The following OR7C1 variants were observed in gnomAD, a reference collection of about 807,000 sequenced individuals.
The protein encoded by OR7C1 is olfactory receptor family 7 subfamily C member 1.
For missense variants in OR7C1, 324 were observed against 383.3 expected (o/e 0.85, Z 1.29); for synonymous variants, 152 against 160.7 (o/e 0.95, Z 0.41).
At chr19:14,802,468 C>T (rs113966364) in intron 2 of OR7C1, among the ~76,000 whole-genome samples, 45 of 152,248 alleles carry the variant, frequency 3.0e-4, no homozygotes, top group Admixed American at 4.6e-4. Context: ...TGCAGTGAGC[C>T]GAGATTGTAC....
At position 14,799,361 on chromosome 19, in the gene OR7C1, T is replaced by G. The variant is rs151122314; in HGVS notation, c.776A>C (p.Tyr259Ser). ...AGATGGTGTGGCTGCAGAACTGAGATAGACCCCAAAGCCCGTGCCATAGAA... is the reference window on the plus strand; with the variant it reads ...AGATGGTGTGGCTGCAGAACTGAGAGAGACCCCAAAGCCCGTGCCATAGAA... The change falls in exon 5 of 5, where the codon TAT (tyrosine) becomes TCT (serine). Residue 259 changes from tyrosine to serine, a missense_variant. Transcript: ENST00000641666. 3.1e-6 allele frequency: 5 copies of G among 1,614,064 alleles called. No homozygotes were observed. In the South Asian group the frequency reaches 3.3e-5, roughly 11 times the overall value.
At chr19:14,814,810 G>A (rs944047781) in intron 1 of OR7C1, among the ~76,000 whole-genome samples, 5 of 152,110 alleles carry the variant, frequency 3.3e-5, no homozygotes, top group African/African-American at 1.2e-4. Context: ...CAGCCATGAC[G>A]GGACGAGAGG....
chr19:14,833,845 C>G (rs969609589), intron 1 of OR7C1, among the ~76,000 whole-genome samples: 2 of 152,182 alleles, frequency 1.3e-5, no homozygotes, highest in African/African-American at 2.4e-5. Flanking sequence ...GGAACTTTCT[C>G]AGCTGTCATA....
At chr19:14,821,848 C>T (rs990651983) in intron 1 of OR7C1, among the ~76,000 whole-genome samples, 5 of 152,244 alleles carry the variant, frequency 3.3e-5, no homozygotes, top group Admixed American at 1.3e-4. Context: ...ATTTCCTCAT[C>T]AGCAATTGCT....
chr19:14,813,015 A>G (rs1389759034), intron 1 of OR7C1, among the ~76,000 whole-genome samples: 1 of 150,306 alleles, frequency 6.7e-6, no homozygotes, highest in Non-Finnish European at 1.5e-5. Context: ...CAGTGAGCCA[A>G]GGTTGCACCA....
chr19:14,828,242 T>G (rs1289399136), intron 1 of OR7C1: 1 of 1,607,206 alleles, frequency 6.2e-7, no homozygotes, highest in African/African-American at 1.3e-5. Context: ...CTGGTTCCAT[T>G]TGATTGAAGT....
At chr19:14,822,072 A>G (rs900096723) in intron 1 of OR7C1, among the ~76,000 whole-genome samples, 1 of 152,198 alleles carries the variant, frequency 6.6e-6, no homozygotes, top group East Asian at 1.9e-4. Flanking sequence ...TCTATTGTGG[A>G]TATGCACCAC....
At chr19:14,834,789 C>T (rs2044868930) in intron 1 of OR7C1, among the ~76,000 whole-genome samples, 1 of 152,170 alleles carries the variant, frequency 6.6e-6, no homozygotes, top group African/African-American at 2.4e-5. Context: ...TGTACTTTTA[C>T]AAAAATCATT....
At chr19:14,800,918 C>T (rs979228012) in intron 2 of OR7C1, among the ~76,000 whole-genome samples, 154 bp from the exon 3 acceptor site, 13 of 152,224 alleles carry the variant, frequency 8.5e-5, no homozygotes, top group African/African-American at 3.1e-4. Context: ...GCGCATTCAC[C>T]ACCAGCCTGT....
intron 1 of OR7C1, among the ~76,000 whole-genome samples, chr19:14,833,410 C>T (rs117945812): frequency 2.1e-4 from 32 of 152,250 alleles, no homozygotes; most frequent in East Asian, 3.9e-4. Flanking sequence ...ATCCAGGAAG[C>T]GAAGGTTGCA....
intron 1 of OR7C1, chr19:14,828,395 A>G: frequency 1.2e-6 from 1 of 821,872 alleles, no homozygotes; most frequent in Non-Finnish European, 1.9e-6. Flanking sequence ...AGGGATCTCC[A>G]TGTCATCTCT....
chr19:14,831,456 T>C (rs1009882875), intron 1 of OR7C1, among the ~76,000 whole-genome samples: 1 of 152,078 alleles, frequency 6.6e-6, no homozygotes, highest in African/African-American at 2.4e-5. Context: ...TTTATTATTA[T>C]TTTTTTGAGA....
chr19:14,810,742 G>A (rs2044687563), intron 1 of OR7C1, among the ~76,000 whole-genome samples: 1 of 151,848 alleles, frequency 6.6e-6, no homozygotes, highest in African/African-American at 2.4e-5. Flanking sequence ...ACTGGAGACA[G>A]ATTCTGGAGA....
intron 1 of OR7C1, among the ~76,000 whole-genome samples, chr19:14,829,249 G>A (rs1332695914): frequency 6.6e-6 from 1 of 152,222 alleles, no homozygotes; most frequent in Non-Finnish European, 1.5e-5. Flanking sequence ...CTGTTGCCGG[G>A]CTGGAGCGCA....
chr19:14,800,266 C>T (rs1197850285), exon 4 of OR7C1: 7 of 1,029,190 alleles, frequency 6.8e-6, no homozygotes, highest in Non-Finnish European at 7.0e-6. Context: ...CTTTTTCTTG[C>T]TGTCTTTTTC....
exon 5 of OR7C1, chr19:14,799,110 C>G: frequency 6.6e-7 from 1 of 1,518,498 alleles, no homozygotes; most frequent in Non-Finnish European, 8.8e-7. Flanking sequence ...AAAGAGAATA[C>G]ATTGATGTTT....
intron 1 of OR7C1, chr19:14,827,121 GCTTAATAAA>G: frequency 6.3e-6 from 4 of 630,066 alleles, no homozygotes; most frequent in Non-Finnish European, 9.6e-6. Context: ...AGAGCAGAAA[GCTTAATAAA>G]AGGAGTTGCT....
intron 2 of OR7C1, among the ~76,000 whole-genome samples, chr19:14,805,907 C>T: frequency 6.6e-6 from 1 of 151,856 alleles, no homozygotes; most frequent in East Asian, 1.9e-4. Flanking sequence ...TACAACAGTT[C>T]TGGGACATAT....
rs770812578 is a variant in OR7C1, at chr19:14,827,855, G to A, written c.-623+7219C>T. 3.7e-6 allele frequency: 6 copies of A among 1,614,182 alleles called. No homozygotes were observed. The East Asian group carries it at 1.1e-4, about 30-fold the overall frequency. ...GGTTCATAATGACCATGTAGTGCAG[G>A]GGGTGACAGATGGCCACAAACCGGT... On this transcript the variant is annotated intron_variant, in intron 1 of 4. Transcript: ENST00000641666.
Sources: gnomAD v4.1 joint callset for allele counts (sites outside exome capture counted in the v4.1 genomes callset) on GRCh38, gnomAD v4.1.1 for gene constraint, MANE v1.5 for transcripts, NCBI Gene and HGNC (gene_info 2026-07-23, HGNC 2026-07-21) for gene names.